Variants in SCYL3 observed in about 807,000 individuals in gnomAD.
SCYL3 encodes SCY1 like pseudokinase 3, also known as protein-associating with the carboxyl-terminal domain of ezrin.
In SCYL3, 35 loss-of-function variants were observed where a neutral mutation model predicts 73.8. The observed-to-expected ratio is 0.47, with a 90% CI of 0.36 to 0.63. The LOEUF (loss-of-function observed/expected upper bound fraction) is 0.63, where lower values mean the gene tolerates loss of function less well. Ranked by LOEUF, SCYL3 falls within the 20% of genes least tolerant of loss-of-function variation. SCYL3 has a pLI of 0.00. For synonymous variants in SCYL3, 277 were observed against 295.2 expected (o/e 0.94, Z 0.63); for missense variants, 712 against 798.9 (o/e 0.89, Z 1.31).
intron 12 of SCYL3, 151 bp from the exon 13 acceptor site, chr1:169,853,923 A>G (rs1658785914): frequency 2.4e-6 from 2 of 816,960 alleles, no homozygotes; most frequent in Non-Finnish European, 3.8e-6. Flanking sequence ...GCTCTAACAG[A>G]AAGTTGAAAA....
chr1:169,862,699 G>A lies in SCYL3; in HGVS notation c.1054C>T (p.His352Tyr). The A allele has an allele frequency of 6.2e-7, 1 of 1,614,192 alleles. No homozygotes were observed. The highest frequency in any genetic ancestry group is 8.5e-7 in the Non-Finnish European group (1 of 1,180,040). Reference protein sequence around the residue: ...LLQLFEVHEEHVRMVLLSHIE... With the variant: ...LLQLFEVHEEYVRMVLLSHIE... ...TGAGACAGCAGCACCATCCGCACAT[G>A]CTCTTCATGAACTTCAAACAACTGG... The change falls in exon 10 of 13, where the codon CAT becomes TAT. Residue 352 changes from histidine (H) to tyrosine (Y), a missense_variant. Transcript: ENST00000367771.
At chr1:169,887,727 A>G (rs77212256) in intron 2 of SCYL3, among the ~76,000 whole-genome samples, 2,904 of 152,308 alleles carry the variant, frequency 0.019, 98 homozygotes, top group African/African-American at 0.065. Flanking sequence ...ACTGTTACCC[A>G]TCTTTTTCTT....
chr1:169,862,517 C>A, intron 10 of SCYL3, 96 bp downstream of exon 10: 1 of 1,324,044 alleles, frequency 7.6e-7, no homozygotes, highest in Non-Finnish European at 1.1e-6. Flanking sequence ...TGCCTGAAGG[C>A]TTTCTAAGCT....
chr1:169,873,608 G>T, intron 5 of SCYL3, 88 bp downstream of exon 5: 1 of 803,004 alleles, frequency 1.2e-6, no homozygotes, highest in South Asian at 1.7e-5. Context: ...ACTCAGTAAA[G>T]AAAGGAGTAA....
chr1:169,873,373 A>T (rs563756276), intron 5 of SCYL3, among the ~76,000 whole-genome samples: 2 of 152,330 alleles, frequency 1.3e-5, no homozygotes, highest in South Asian at 4.1e-4. Context: ...TTTCTTTTGT[A>T]AATTGCCCAG....
In SCYL3 at chr1:169,854,843, C is replaced by G; in HGVS notation, c.1434G>C (p.Trp478Cys). 6.2e-7 allele frequency: 1 copy of G among 1,614,008 alleles called. No homozygotes were observed. The highest frequency in any genetic ancestry group is 8.5e-7 in the Non-Finnish European group (1 of 1,179,938). Residue 478 changes from tryptophan (W) to cysteine (C), a missense_variant, in exon 12 of 13, where the codon TGG (tryptophan) becomes TGC (cysteine). Around this residue, in one of 2 missense-constraint regions of SCYL3, gnomAD observed 370 missense variants for 350.8 expected, o/e 1.05. Coordinates refer to ENST00000367771, the MANE Select transcript of SCYL3 (RefSeq NM_020423.7). Reference protein sequence around the residue: ...SSKKSEEWPDWSEPEEPENQT... With the variant: ...SSKKSEEWPDCSEPEEPENQT... ...GATTTTCAGGCTCCTCAGGTTCACT[C>G]CAGTCAGGCCACTCCTCAGACTTTT... is the stretch of plus-strand genomic sequence containing the variant.
Position 169,852,999 on chromosome 1 carries a change from A to AGGCAGAACT in SCYL3, c.*705_*713dup, listed in dbSNP as rs71840872. On this transcript the variant is annotated 3_prime_UTR_variant, in exon 13 of 13. Transcript: ENST00000367771. ...ATACTCTAGGGTGAAACTTATCACT[A>AGGCAGAACT]GGCAGAACTGGGTTTGATGCTTTGT... 0.016 allele frequency: 25,269 copies of AGGCAGAACT among 1,613,156 alleles called. 1,796 individuals carry two copies. The East Asian group carries it at 0.24, about 15-fold the overall frequency.
chr1:169,853,435 T>C lies in SCYL3; in HGVS notation c.*278A>G. ...CCTGGAAAAAGCAGTAAATTCGACC[T>C]CTCCTCAGCTACTTGCTCTTCATAG... On this transcript the variant is annotated 3_prime_UTR_variant, in exon 13 of 13. Coordinates refer to ENST00000367771, the MANE Select transcript of SCYL3 (RefSeq NM_020423.7). The C allele has an allele frequency of 2.4e-6, 1 of 415,688 alleles. No individual in the cohort carries two copies. Among genetic ancestry groups the C allele is most frequent in the Non-Finnish European group, 4.2e-6 (1 of 235,590 alleles). The allele number at this position is 415,688 out of a possible 1,614,324, so 25.7% of individuals were successfully genotyped here.
At position 169,862,842 on chromosome 1, in the gene SCYL3, T is replaced by C. The variant is rs751702457; in HGVS notation, c.956-45A>G. The C allele has an allele frequency of 5.7e-6, 9 of 1,590,156 alleles. No homozygotes were observed. In the East Asian group the frequency reaches 1.8e-4, roughly 32 times the overall value. On this transcript the variant is annotated intron_variant, in intron 9 of 12. Coordinates refer to ENST00000367771, the MANE Select transcript of SCYL3 (RefSeq NM_020423.7). The stretch of plus-strand genomic sequence containing the variant: ...TTACAGATGAAAAAACAAATTTTCA[T>C]TTCAGTGAAAAGTATTAAGCATAAT...
chr1:169,883,420 A>G (rs1409941522), intron 2 of SCYL3, among the ~76,000 whole-genome samples: 3 of 152,182 alleles, frequency 2.0e-5, no homozygotes, highest in Admixed American at 1.3e-4. Flanking sequence ...TCCTAACATG[A>G]TATTAAAGCT....
In SCYL3 at chr1:169,850,207, T is replaced by C. The variant is rs1043279440; in HGVS notation, c.*3506A>G. On this transcript the variant is annotated 3_prime_UTR_variant, in exon 13 of 13. Coordinates refer to ENST00000367771, the MANE Select transcript of SCYL3 (RefSeq NM_020423.7). ...AAGGTAGCTCATAAAACTCATCTATTTGTCTTTGCAAGTTGTTGAAATGTT... is the reference window on the plus strand; with the variant it reads ...AAGGTAGCTCATAAAACTCATCTATCTGTCTTTGCAAGTTGTTGAAATGTT... 2 of 1,161,054 alleles carry C rather than the reference T, an allele frequency of 1.7e-6. No homozygotes were observed. Among genetic ancestry groups the C allele is most frequent in the Admixed American group, 3.7e-5 (2 of 53,470 alleles). The allele number at this position is 1,161,054 out of a possible 1,614,324, so 71.9% of individuals were successfully genotyped here.
rs754941806 is a variant in SCYL3, at chr1:169,854,383, A to G, written c.1894T>C (p.Ser632Pro). 2.5e-6 allele frequency: 4 copies of G among 1,613,972 alleles called. No homozygotes were observed. Among genetic ancestry groups the G allele is most frequent in the South Asian group, 1.1e-5 (1 of 91,080 alleles). Residue 632 changes from serine (S) to proline (P), a missense_variant, in exon 12 of 13, where the codon TCT becomes CCT. Around this residue, in one of 2 missense-constraint regions of SCYL3, gnomAD observed 370 missense variants for 350.8 expected, o/e 1.05. Transcript: ENST00000367771. ...TCAGGTAATATAAGAAAAGCAGCAG[A>G]AGGCTTAATTTCTGGGATCATATCA... ...FADMIPEIKP[S>P]AAFLILPELR...
In SCYL3 at chr1:169,854,572, T is replaced by C. The variant is rs1383244967; in HGVS notation, c.1705A>G (p.Ile569Val). The C allele has an allele frequency of 6.2e-7, 1 of 1,613,788 alleles. No homozygotes were observed. The highest frequency in any genetic ancestry group is 2.2e-5 in the East Asian group (1 of 44,898). The change falls in exon 12 of 13, where the codon ATT becomes GTT. Residue 569 changes from isoleucine to valine, a missense_variant. By Grantham distance (29) the Ile-to-Val change is conservative. Transcript: ENST00000367771. ...MPWKSSLPQK[I>V]SLVQRGDDAD... Reference sequence around the variant, plus strand: ...TCATCCCCCCTTTGTACAAGGCTAATCTTTTGGGGTAAGCTTGATTTCCAA... The same window carrying C: ...TCATCCCCCCTTTGTACAAGGCTAACCTTTTGGGGTAAGCTTGATTTCCAA...
chr1:169,867,854 TAATA>T (rs1336214805), intron 7 of SCYL3, among the ~76,000 whole-genome samples: 6 of 152,170 alleles, frequency 3.9e-5, no homozygotes, highest in African/African-American at 1.4e-4. Context: ...ATACAACTCT[TAATA>T]AATAACTCAT....
intron 3 of SCYL3, among the ~76,000 whole-genome samples, chr1:169,877,442 G>A (rs572393519): frequency 7.9e-5 from 12 of 152,306 alleles, no homozygotes; most frequent in Non-Finnish European, 7.3e-5. Flanking sequence ...ACAGGTGTGA[G>A]CCACTGCGCC....
Position 169,878,778 on chromosome 1 carries a change from T to C in SCYL3, c.207A>G (p.Leu69=), listed in dbSNP as rs1661039459. 1 of 1,613,486 alleles carries C rather than the reference T, an allele frequency of 6.2e-7. No homozygotes were observed. Among genetic ancestry groups the C allele is most frequent in the Non-Finnish European group, 8.5e-7 (1 of 1,179,846 alleles). ...TLRHPCLLRF[L]SCTVEADGIH... is the part of the protein sequence containing the mutation. ...TGCCATCCGCTTCCACAGTACAAGA[T>C]AAAAATCTTAGCAAGCAAGGGTGAC... is the stretch of plus-strand genomic sequence containing the variant. The change falls in exon 3 of 13, where the codon TTA becomes TTG. Residue 69 remains leucine (L), a synonymous_variant. Transcript: ENST00000367771.
At position 169,854,759 on chromosome 1, in the gene SCYL3, G is replaced by A. The variant is rs775063262; in HGVS notation, c.1518C>T (p.Cys506=). 1 of 1,613,882 alleles carries A rather than the reference G, an allele frequency of 6.2e-7. No homozygotes were observed. The highest frequency in any genetic ancestry group is 2.2e-5 in the East Asian group (1 of 44,896). ...ATGACTCTTCCACATCCAAGGTAGT[G>A]CACTGGGACTTGACATCATCACAAG... The part of the protein sequence containing the change: ...REPCDDVKSQ[C]TTLDVEESSW... The change falls in exon 12 of 13, where the codon TGC becomes TGT. Residue 506 remains cysteine (C), a synonymous_variant. Transcript: ENST00000367771.
chr1:169,861,402 G>GA, intron 10 of SCYL3, among the ~76,000 whole-genome samples: 1 of 152,128 alleles, frequency 6.6e-6, no homozygotes, highest in Non-Finnish European at 1.5e-5. Context: ...CACATGGGGG[G>GA]ATACAAGCCC....
At position 169,849,987 on chromosome 1, in the gene SCYL3, C is replaced by A. The variant is rs969475878; in HGVS notation, c.*3726G>T. On this transcript the variant is annotated 3_prime_UTR_variant, in exon 13 of 13. Transcript: ENST00000367771. The stretch of plus-strand genomic sequence containing the variant: ...AAGATGGGTTGCTCCTTTACTCTTA[C>A]TGCATTTGCTGTATAGTCATGCCTA... 1.9e-5 allele frequency: 9 copies of A among 484,606 alleles called. No homozygotes were observed. Among genetic ancestry groups the A allele is most frequent in the East Asian group, 3.5e-5 (1 of 28,530 alleles). 30.0% of individuals were successfully genotyped at this position (484,606 alleles called of 1,614,324 possible). A position where few individuals can be genotyped will look rare whatever the true frequency, so the allele number is the denominator to read the frequency against.
Sources: allele counts gnomAD v4.1 joint callset (sites outside exome capture counted in the v4.1 genomes callset), GRCh38; gene constraint gnomAD v4.1.1; regional missense constraint gnomAD v4.1.1; transcripts MANE v1.5; gene names NCBI Gene and HGNC (gene_info 2026-07-23, HGNC 2026-07-21).